ZZZ3: variants seen among roughly 807,000 people sequenced by gnomAD.
ZZZ3 encodes zinc finger ZZ-type containing 3.
ZZZ3 carries 22 observed loss-of-function variants against 95.2 expected under a neutral mutation model. The observed-to-expected ratio is 0.23, with a 90% CI of 0.17 to 0.33. The LOEUF is 0.33. Ranked by LOEUF, ZZZ3 falls within the 10% of genes least tolerant of loss-of-function variation. ZZZ3 has a pLI of 1.00. For missense variants in ZZZ3, 885 were observed against 1,066.5 expected, an observed-to-expected ratio of 0.83 and a Z score of 2.37; for synonymous variants, 335 against 358.9, an observed-to-expected ratio of 0.93 and a Z score of 0.75.
Position 77,632,105 on chromosome 1 carries a change from G to C in ZZZ3, c.1250C>G (p.Ala417Gly). Residue 417 changes from alanine (A) to glycine (G), a missense_variant, in exon 5 of 15, where the codon GCA (alanine) becomes GGA (glycine). This residue lies in a region of ZZZ3 where 556 missense variants were observed against 652.9 expected (regional missense o/e 0.85). Transcript: ENST00000370801. ...ENNLSPNETN[A>G]TVSDNVSQSP... ...TTGACTTACATTATCACTAACAGTT[G>C]CATTTGTTTCATTAGGACTAAGATT... 1 of 1,614,046 alleles carries C rather than the reference G, an allele frequency of 6.2e-7. No individual in the cohort carries two copies. The highest frequency in any genetic ancestry group is 8.5e-7 in the Non-Finnish European group (1 of 1,179,994).
chr1:77,674,614 A>G (rs1185392977), intron 1 of ZZZ3, among the ~76,000 whole-genome samples: 1 of 152,154 alleles, frequency 6.6e-6, no homozygotes, highest in African/African-American at 2.4e-5. Context: ...AATTGTATTT[A>G]TCTTTATTTA....
chr1:77,602,589 A>C (rs958149943), intron 5 of ZZZ3, among the ~76,000 whole-genome samples: 2 of 145,378 alleles, frequency 1.4e-5, no homozygotes, highest in African/African-American at 5.1e-5. Flanking sequence ...AGACACAACC[A>C]TTATTTTTAC....
At chr1:77,615,110 G>T (rs1370663430) in intron 5 of ZZZ3, among the ~76,000 whole-genome samples, 1 of 152,216 alleles carries the variant, frequency 6.6e-6, no homozygotes, top group Non-Finnish European at 1.5e-5. Context: ...TACAATTGAT[G>T]ATCAATAGAC....
chr1:77,662,337 T>G (rs1176428588), intron 1 of ZZZ3, among the ~76,000 whole-genome samples: 2 of 151,722 alleles, frequency 1.3e-5, no homozygotes, highest in East Asian at 3.9e-4. Context: ...AGAGACAAGT[T>G]CTCGCTATGT....
intron 1 of ZZZ3, among the ~76,000 whole-genome samples, chr1:77,666,950 T>C (rs368960812): frequency 2.0e-5 from 3 of 152,194 alleles, no homozygotes; most frequent in South Asian, 2.1e-4. Flanking sequence ...GAACAGGCCA[T>C]GAAAATATTT....
At chr1:77,639,347 G>T in intron 4 of ZZZ3, 102 bp downstream of exon 4, 1 of 930,488 alleles carries the variant, frequency 1.1e-6, no homozygotes, top group Non-Finnish European at 1.5e-6. Flanking sequence ...TTGCCACCCA[G>T]AGGATGTATG....
At chr1:77,621,674 AC>A (rs1222491073) in intron 5 of ZZZ3, among the ~76,000 whole-genome samples, 4 of 151,624 alleles carry the variant, frequency 2.6e-5, no homozygotes, top group Non-Finnish European at 5.9e-5. Flanking sequence ...AAAATTAGCC[AC>A]GTGTGGTGGT....
intron 12 of ZZZ3, among the ~76,000 whole-genome samples, chr1:77,572,528 C>T (rs527752642): frequency 1.9e-4 from 29 of 151,984 alleles, no homozygotes; most frequent in African/African-American, 5.5e-4. Context: ...TTAGTAGAGA[C>T]GGGGTTTCAC....
intron 13 of ZZZ3, among the ~76,000 whole-genome samples, chr1:77,567,924 A>G (rs1660979795): frequency 6.6e-6 from 1 of 152,318 alleles, no homozygotes; most frequent in South Asian, 2.1e-4. Flanking sequence ...ACTAAATAAT[A>G]AACTCTTCAC....
intron 1 of ZZZ3, among the ~76,000 whole-genome samples, chr1:77,681,679 G>C (rs1026010940): frequency 6.6e-6 from 1 of 152,114 alleles, no homozygotes; most frequent in Non-Finnish European, 1.5e-5. Context: ...ATCACTTGAG[G>C]TCAGGAGTTT....
Position 77,661,980 on chromosome 1 carries a change from CT to C in ZZZ3, c.-402-20326del, listed in dbSNP as rs397861463. Among the ~76,000 whole-genome samples the C allele has an allele frequency of 4.0e-3, 539 of 134,844 alleles. 1 individual carries two copies. Among genetic ancestry groups the C allele is most frequent in the Middle Eastern group, 7.8e-3 (2 of 256 alleles). 88.5% of individuals were successfully genotyped at this position (134,844 alleles called of 152,430 possible). On this transcript the variant is annotated intron_variant, in intron 1 of 14. Coordinates refer to ENST00000370801, the MANE Select transcript of ZZZ3 (RefSeq NM_015534.6). ...TACAGGCACAAGCCATGATGCCTGG[CT>C]TTTTTTTTTTTTTTTACTTGGTTTT... is the stretch of plus-strand genomic sequence containing the variant.
Position 77,633,368 on chromosome 1 carries a change from C to T in ZZZ3, c.-14G>A, listed in dbSNP as rs1668002749. 2 of 1,569,980 alleles carry T rather than the reference C, an allele frequency of 1.3e-6. No homozygotes were observed. The highest frequency in any genetic ancestry group is 1.9e-5 in the Admixed American group (1 of 52,282). ...GGAAGCAGCCATACTATGGCAAGTC[C>T]CTACAATACGGTCATCATGATCCAC... is the stretch of plus-strand genomic sequence containing the variant. On this transcript the variant is annotated 5_prime_UTR_variant, in exon 5 of 15. Transcript: ENST00000370801.
intron 5 of ZZZ3, among the ~76,000 whole-genome samples, chr1:77,618,233 CTTTTTTTTTTTTTT>C (rs10597366): frequency 2.5e-5 from 2 of 81,038 alleles, no homozygotes; most frequent in Non-Finnish European, 2.2e-5. Flanking sequence ...CCAATGCAGC[CTTTTTTTTTTTTTT>C]TTTTTTTTTT....
rs371690201 is a variant in ZZZ3 at position 77,594,921 on chromosome 1, C to CAAAAAA, written c.1506-10272_1506-10267dup. Among the ~76,000 whole-genome samples, 216 of 80,660 alleles carry CAAAAAA rather than the reference C, an allele frequency of 2.7e-3. 2 individuals are homozygous for CAAAAAA. The highest frequency in any genetic ancestry group is 9.7e-3 in the African/African-American group (208 of 21,500). The allele number at this position is 80,660 out of a possible 152,430, so 52.9% of individuals were successfully genotyped here. A position where few individuals can be genotyped will look rare whatever the true frequency, so the allele number is the denominator to read the frequency against. Reference sequence around the variant, plus strand: ...TGGTATGAACTTGCCTTGACAGGCCCAAAAAAAAAAAAAAAAAAAAAAAAT... The same window carrying CAAAAAA: ...TGGTATGAACTTGCCTTGACAGGCCCAAAAAAAAAAAAAAAAAAAAAAAAAAAAAAT... On this transcript the variant is annotated intron_variant, in intron 5 of 14. Coordinates refer to ENST00000370801, the MANE Select transcript of ZZZ3 (RefSeq NM_015534.6).
chr1:77,620,046 T>C (rs1301237846), intron 5 of ZZZ3, among the ~76,000 whole-genome samples: 1 of 152,090 alleles, frequency 6.6e-6, no homozygotes, highest in Non-Finnish European at 1.5e-5. Context: ...CAGGCAATTA[T>C]AACTACAACA....
chr1:77,587,419 C>T lies in ZZZ3; in HGVS notation c.1506-2764G>A, dbSNP rs1404139457. On this transcript the variant is annotated intron_variant, in intron 5 of 14. Coordinates refer to ENST00000370801, the MANE Select transcript of ZZZ3 (RefSeq NM_015534.6). Reference sequence around the variant, plus strand: ...AGGTGGGACTACAGGCACCCGCCACCACATCCGGCTAATTTTTTGTATTTT... The same window carrying T: ...AGGTGGGACTACAGGCACCCGCCACTACATCCGGCTAATTTTTTGTATTTT... Among the ~76,000 whole-genome samples the T allele has an allele frequency of 3.9e-5, 6 of 152,084 alleles. No homozygotes were observed. The South Asian group carries it at 8.3e-4, about 21-fold the overall frequency.
intron 5 of ZZZ3, among the ~76,000 whole-genome samples, chr1:77,622,370 C>CAAAAAAAAAAAAAAA (rs200681261): frequency 1.8e-5 from 1 of 55,424 alleles, no homozygotes; most frequent in Non-Finnish European, 3.6e-5. Context: ...TGAAAAATAG[C>CAAAAAAAAAAAAAAA]AAAAAAAAAA....
intron 5 of ZZZ3, among the ~76,000 whole-genome samples, chr1:77,600,218 G>A (rs1322474888): frequency 5.9e-5 from 9 of 152,052 alleles, no homozygotes; most frequent in Admixed American, 2.0e-4. Context: ...TAGCCACTTG[G>A]TGTGGTTTAC....
chr1:77,590,200 CCT>C (rs1663538675), intron 5 of ZZZ3, among the ~76,000 whole-genome samples: 2 of 152,100 alleles, frequency 1.3e-5, no homozygotes, highest in African/African-American at 4.8e-5. Flanking sequence ...TGGTGAAGCC[CCT>C]GTCTCTACTA....
Sources: gnomAD v4.1 joint callset for allele counts (sites outside exome capture counted in the v4.1 genomes callset) on GRCh38, gnomAD v4.1.1 for gene constraint, gnomAD v4.1.1 regional missense constraint, MANE v1.5 for transcripts, NCBI Gene and HGNC (gene_info 2026-07-23, HGNC 2026-07-21) for gene names.